IGFBP5: variants seen among roughly 807,000 people sequenced by gnomAD.
The protein encoded by IGFBP5 is insulin like growth factor binding protein 5, also known as insulin-like growth factor-binding protein 5.
IGFBP5 carries 12 observed loss-of-function variants against 28.0 expected under a neutral mutation model. The ratio of observed to expected loss-of-function variants is 0.43; its 90% CI spans 0.27 to 0.69. The LOEUF is 0.69. Among genes scored for constraint, IGFBP5 ranks in the 30% least tolerant of loss-of-function variants. The probability of loss-of-function intolerance (pLI) is 0.20; values close to 1 mark genes in which losing one functional copy is unlikely to be tolerated. For synonymous variants in IGFBP5, 152 were observed against 150.2 expected, an observed-to-expected ratio of 1.01 and a Z score of -0.09; for missense variants, 344 against 381.6, an observed-to-expected ratio of 0.90 and a Z score of 0.82.
At position 216,694,427 on chromosome 2, in the gene IGFBP5, G is replaced by C. The variant is rs1689142244; in HGVS notation, c.337+12C>G. On this transcript the variant is annotated intron_variant, in intron 1 of 3. Transcript: ENST00000233813. This position sits in a 1 kb window ranked among gnomAD's most constrained non-coding sequence, Gnocchi z 5.2. Reference sequence around the variant, plus strand: ...GCGCCGCGTAACTGACTGGCACACTGAGCGCGCTCACCGATCTTGACTTGC... The same window carrying C: ...GCGCCGCGTAACTGACTGGCACACTCAGCGCGCTCACCGATCTTGACTTGC... 6.6e-7 allele frequency: 1 copy of C among 1,513,992 alleles called. No homozygotes were observed. The highest frequency in any genetic ancestry group is 8.8e-7 in the Non-Finnish European group (1 of 1,133,488). 93.8% of individuals were successfully genotyped at this position (1,513,992 alleles called of 1,614,324 possible).
At position 216,695,281 on chromosome 2, in the gene IGFBP5, G is replaced by C. The variant is rs11575121; in HGVS notation, c.-506C>G. On this transcript the variant is annotated 5_prime_UTR_variant, in exon 1 of 4. Transcript: ENST00000233813. ...GCGCGGCGCCGCAGAACAGGTAAGA[G>C]GCGTTGGCTGCAGCCGAGAGGGTGG... The C allele has an allele frequency of 0.015, 2,311 of 152,582 alleles. 19 individuals carry two copies. Among genetic ancestry groups the C allele is most frequent in the Non-Finnish European group, 0.025 (1,680 of 68,248 alleles). The allele number at this position is 152,582 out of a possible 1,614,324, so 9.5% of individuals were successfully genotyped here. A position where few individuals can be genotyped will look rare whatever the true frequency, so the allele number is the denominator to read the frequency against.
intron 1 of IGFBP5, among the ~76,000 whole-genome samples, chr2:216,688,368 A>G (rs1237784262): frequency 6.6e-6 from 1 of 152,216 alleles, no homozygotes; most frequent in Non-Finnish European, 1.5e-5. Flanking sequence ...AATGTAAAAT[A>G]TCTCATTATA....
chr2:216,689,776 C>T (rs1689072805), intron 1 of IGFBP5, among the ~76,000 whole-genome samples: 3 of 152,224 alleles, frequency 2.0e-5, no homozygotes, highest in Non-Finnish European at 2.9e-5. Flanking sequence ...GCTATGGGTT[C>T]CTTCCAGCTT....
Position 216,674,655 on chromosome 2 carries a change from A to G in IGFBP5, c.*2096T>C, listed in dbSNP as rs1208987635. ...TCCTGGATATCTTCAGCCTTAAAGA[A>G]CAGTCACAAGGCCACCCATTGGTTG... On this transcript the variant is annotated 3_prime_UTR_variant, in exon 4 of 4. Coordinates refer to ENST00000233813, the MANE Select transcript of IGFBP5 (RefSeq NM_000599.4). The surrounding 1 kb of genome is among the most constrained non-coding windows in gnomAD (Gnocchi z 4.4). 6.6e-6 allele frequency: 1 copy of G among 152,188 alleles called. No individual in the cohort carries two copies. The highest frequency in any genetic ancestry group is 1.5e-5 in the Non-Finnish European group (1 of 68,026). The allele number at this position is 152,188 out of a possible 1,614,324, so 9.4% of individuals were successfully genotyped here.
chr2:216,682,612 T>C lies in IGFBP5; in HGVS notation c.338-3533A>G, dbSNP rs146131553. Among the ~76,000 whole-genome samples the C allele has an allele frequency of 3.4e-3, 522 of 152,230 alleles. 4 individuals are homozygous for C. The highest frequency in any genetic ancestry group is 0.011 in the African/African-American group (472 of 41,568). Reference sequence around the variant, plus strand: ...GAACTCAACAGTCTGCTCTGGAACCTGTTTGACAAACAGGTCAATATCTCC... The same window carrying C: ...GAACTCAACAGTCTGCTCTGGAACCCGTTTGACAAACAGGTCAATATCTCC... On this transcript the variant is annotated intron_variant, in intron 1 of 3. Coordinates refer to ENST00000233813, the MANE Select transcript of IGFBP5 (RefSeq NM_000599.4).
At chr2:216,691,546 C>T (rs944934771) in intron 1 of IGFBP5, among the ~76,000 whole-genome samples, 2 of 152,188 alleles carry the variant, frequency 1.3e-5, no homozygotes, top group Admixed American at 6.5e-5. Context: ...TCTATCTCTG[C>T]TCCTGAACTG....
Position 216,679,109 on chromosome 2 carries a change from C to T in IGFBP5, c.338-30G>A, listed in dbSNP as rs979981899. 1.3e-6 allele frequency: 2 copies of T among 1,599,576 alleles called. No individual in the cohort carries two copies. Among genetic ancestry groups the T allele is most frequent in the Admixed American group, 1.7e-5 (1 of 59,876 alleles). ...AGGAGAAGGAGCCGGAGGGTCAGCC[C>T]CCGTGGGCCAAGGTGCACACGGCCA... is the stretch of plus-strand genomic sequence containing the variant. On this transcript the variant is annotated intron_variant, in intron 1 of 3. Transcript: ENST00000233813. The surrounding 1 kb of genome is among the most constrained non-coding windows in gnomAD (Gnocchi z 4.6).
At chr2:216,682,499 G>A (rs974081086) in intron 1 of IGFBP5, among the ~76,000 whole-genome samples, 7 of 152,192 alleles carry the variant, frequency 4.6e-5, no homozygotes, top group Non-Finnish European at 8.8e-5. Context: ...TTCATCAAGA[G>A]AAAATGAACT....
intron 1 of IGFBP5, among the ~76,000 whole-genome samples, chr2:216,680,386 T>A (rs1688959037): frequency 6.6e-6 from 1 of 152,092 alleles, no homozygotes; most frequent in South Asian, 2.1e-4. Flanking sequence ...TGGGTAGAAT[T>A]CCAGGAAGTG....
chr2:216,689,977 A>AAG (rs11575142), intron 1 of IGFBP5, among the ~76,000 whole-genome samples: 45 of 150,414 alleles, frequency 3.0e-4, no homozygotes, highest in Admixed American at 1.5e-3. Context: ...ATTTTTTAAA[A>AAG]AGAGAGAGAG....
Position 216,694,491 on chromosome 2 carries a change from G to A in IGFBP5, c.285C>T (p.His95=), listed in dbSNP as rs371549307. 183 of 1,589,780 alleles carry A rather than the reference G, an allele frequency of 1.2e-4. 1 individual carries two copies. Among genetic ancestry groups the A allele is most frequent in the Non-Finnish European group, 1.4e-4 (166 of 1,171,638 alleles). The part of the protein sequence containing the change: ...DEEKPLHALL[H]GRGVCLNEKS... ...TTTCGTTGAGGCAAACCCCGCGGCC[G>A]TGCAGCAGGGCGTGCAGCGGCTTCT... Residue 95 remains histidine, a synonymous_variant, in exon 1 of 4, where the codon CAC becomes CAT. Coordinates refer to ENST00000233813, the MANE Select transcript of IGFBP5 (RefSeq NM_000599.4). This position sits in a 1 kb window ranked among gnomAD's most constrained non-coding sequence, Gnocchi z 5.2.
rs958781075 is a variant in IGFBP5 at position 216,695,240 on chromosome 2, C to T, written c.-465G>A. ...CTAAAATACACCCCGCTTTCTAACCCTCAGCTGCCAGCGGTGCGCGGCGCC... is the reference window on the plus strand; with the variant it reads ...CTAAAATACACCCCGCTTTCTAACCTTCAGCTGCCAGCGGTGCGCGGCGCC... On this transcript the variant is annotated 5_prime_UTR_variant, in exon 1 of 4. Transcript: ENST00000233813. 1 of 153,042 alleles carries T rather than the reference C, an allele frequency of 6.5e-6. No individual in the cohort carries two copies. The highest frequency in any genetic ancestry group is 1.5e-5 in the Non-Finnish European group (1 of 68,706). 9.5% of individuals were successfully genotyped at this position (153,042 alleles called of 1,614,324 possible). A position where few individuals can be genotyped will look rare whatever the true frequency, so the allele number is the denominator to read the frequency against.
rs145740328 is a variant in IGFBP5, at chr2:216,678,137, C to T, written c.662G>A (p.Arg221His). ...PRAVYLPNCDRKGFYKRKQCK... is the reference protein window; with the variant it reads ...PRAVYLPNCDHKGFYKRKQCK... ...CTGCTTTCTCTTGTAGAATCCTTTG[C>T]GGTCACAATTGGGCAGGTACACAGC... Residue 221 changes from arginine to histidine, a missense_variant, in exon 3 of 4, where the codon CGC becomes CAC. By Grantham distance (29) the Arg-to-His change is conservative. Transcript: ENST00000233813. The T allele has an allele frequency of 6.9e-5, 108 of 1,564,742 alleles. No individual in the cohort carries two copies. The Admixed American group carries it at 1.0e-3, about 15-fold the overall frequency.
At chr2:216,688,094 A>G (rs1234670846) in intron 1 of IGFBP5, among the ~76,000 whole-genome samples, 1 of 152,160 alleles carries the variant, frequency 6.6e-6, no homozygotes, top group Non-Finnish European at 1.5e-5. Context: ...GGCCCGGGGA[A>G]CTGAGGAACC....
At chr2:216,680,191 G>A (rs1043672007) in intron 1 of IGFBP5, among the ~76,000 whole-genome samples, 1 of 152,068 alleles carries the variant, frequency 6.6e-6, no homozygotes, top group African/African-American at 2.4e-5. Flanking sequence ...GGTGAGTGGA[G>A]GTGGGGGGCC....
Position 216,673,873 on chromosome 2 carries a change from T to C in IGFBP5, c.*2878A>G, listed in dbSNP as rs73989583. 0.059 allele frequency: 8,951 copies of C among 152,528 alleles called. 381 individuals carry two copies. Among genetic ancestry groups the C allele is most frequent in the African/African-American group, 0.11 (4,410 of 41,534 alleles). 9.4% of individuals were successfully genotyped at this position (152,528 alleles called of 1,614,324 possible). The stretch of plus-strand genomic sequence containing the variant: ...CATGTGTCCATGAAGGCCCAGCTTC[T>C]CTGGGGAGTGACCAGCTGCCCAGGA... On this transcript the variant is annotated 3_prime_UTR_variant, in exon 4 of 4. Coordinates refer to ENST00000233813, the MANE Select transcript of IGFBP5 (RefSeq NM_000599.4). The surrounding 1 kb of genome is among the most constrained non-coding windows in gnomAD (Gnocchi z 4.3).
rs181260811 is a variant in IGFBP5, at chr2:216,691,964, G to T, written c.337+2475C>A. 1.4e-3 allele frequency among the ~76,000 whole-genome samples: 204 copies of T among 150,802 alleles called. 2 individuals carry two copies. The highest frequency in any genetic ancestry group is 3.8e-3 in the African/African-American group (157 of 41,016). ...GGTGGGGGAGAGGAGGGAGGTAGGAGGTGTGTTGGGAAGCAGGAATTTTGG... is the reference window on the plus strand; with the variant it reads ...GGTGGGGGAGAGGAGGGAGGTAGGATGTGTGTTGGGAAGCAGGAATTTTGG... On this transcript the variant is annotated intron_variant, in intron 1 of 3. Transcript: ENST00000233813.
rs1688886881 is a variant in IGFBP5 at position 216,675,630 on chromosome 2, A to G, written c.*1121T>C. On this transcript the variant is annotated 3_prime_UTR_variant, in exon 4 of 4. Transcript: ENST00000233813. ...CAAAAATGCTATTACGGGTTGTATTAGGAGAATATGGGTTTTCTCAGTTTT... is the reference window on the plus strand; with the variant it reads ...CAAAAATGCTATTACGGGTTGTATTGGGAGAATATGGGTTTTCTCAGTTTT... 6.6e-6 allele frequency: 1 copy of G among 152,182 alleles called. No individual in the cohort carries two copies. The highest frequency in any genetic ancestry group is 1.5e-5 in the Non-Finnish European group (1 of 68,024). The allele number at this position is 152,182 out of a possible 1,614,324, so 9.4% of individuals were successfully genotyped here.
intron 1 of IGFBP5, among the ~76,000 whole-genome samples, chr2:216,689,560 C>G (rs1689070037): frequency 6.6e-6 from 1 of 152,218 alleles, no homozygotes; most frequent in African/African-American, 2.4e-5. Flanking sequence ...GGCCTTACTG[C>G]AGGTTAGCCC....
Sources: allele counts gnomAD v4.1 joint callset (sites outside exome capture counted in the v4.1 genomes callset), GRCh38; gene constraint gnomAD v4.1.1; non-coding constraint Gnocchi (gnomAD v3.1); transcripts MANE v1.5; gene names NCBI Gene and HGNC (gene_info 2026-07-23, HGNC 2026-07-21).